Variants in SLCO6A1 observed in about 807,000 individuals in gnomAD.
SLCO6A1 encodes solute carrier organic anion transporter family member 6A1.
Under a neutral mutation model 72.7 loss-of-function variants are expected in SLCO6A1, and 65 were observed. The ratio of observed to expected loss-of-function variants is 0.89; its 90% confidence interval spans 0.73 to 1.10. The LOEUF (loss-of-function observed/expected upper bound fraction) is 1.10. Ranked by LOEUF, SLCO6A1 falls within the 50% of genes least tolerant of loss-of-function variation. The pLI is 0.00. For missense variants in SLCO6A1, 874 were observed against 872.6 expected (o/e 1.00, Z -0.02); for synonymous variants, 314 against 298.2 (o/e 1.05, Z -0.55).
chr5:102,493,955 C>T (rs113350200), intron 1 of SLCO6A1, among the ~76,000 whole-genome samples: 2,608 of 152,082 alleles, frequency 0.017, 34 homozygotes, highest in African/African-American at 0.033. Flanking sequence ...CTAAAATTTA[C>T]ATGGAAAAGC....
chr5:102,494,005 AAGT>A (rs1391440876), intron 1 of SLCO6A1, among the ~76,000 whole-genome samples: 1 of 152,208 alleles, frequency 6.6e-6, no homozygotes, highest in Non-Finnish European at 1.5e-5. Flanking sequence ...AAAAGGAACG[AAGT>A]CGAAAGGATA....
chr5:102,396,091 G>C (rs1747065477), intron 10 of SLCO6A1, among the ~76,000 whole-genome samples: 1 of 152,138 alleles, frequency 6.6e-6, no homozygotes, highest in South Asian at 2.1e-4. Flanking sequence ...ATTGCTTTCA[G>C]TGTTTTAGAC....
chr5:102,459,717 A>G lies in SLCO6A1; in HGVS notation c.960T>C (p.Phe320=), dbSNP rs2112761006. The change falls in exon 5 of 14, where the codon TTT becomes TTC. Residue 320 remains phenylalanine, a synonymous_variant. Coordinates refer to ENST00000506729, the MANE Select transcript of SLCO6A1 (RefSeq NM_173488.5). ...ATGTACACCATGCAACGACAGCGGC[A>G]AAAAGAAAATTAATCCACCAAGTCC... ...WLWTWWINFL[F]AAVVAWCTLI... is the part of the protein sequence containing the mutation. The G allele has an allele frequency of 6.2e-7, 1 of 1,612,068 alleles. No individual in the cohort carries two copies. The highest frequency in any genetic ancestry group is 1.3e-5 in the African/African-American group (1 of 74,838).
chr5:102,387,466 CA>C (rs1561418634), intron 12 of SLCO6A1, among the ~76,000 whole-genome samples: 1 of 152,126 alleles, frequency 6.6e-6, no homozygotes, highest in Admixed American at 6.6e-5. Flanking sequence ...AAAGTCTCAG[CA>C]AAGTTTTAAG....
intron 4 of SLCO6A1, 130 bp downstream of exon 4, chr5:102,475,567 C>T: frequency 1.8e-6 from 1 of 552,782 alleles, no homozygotes. Flanking sequence ...GCATATGTCA[C>T]ATTTGCATAT....
intron 4 of SLCO6A1, among the ~76,000 whole-genome samples, chr5:102,474,974 C>T (rs74406284): frequency 0.023 from 3,511 of 152,014 alleles, 93 homozygotes; most frequent in African/African-American, 0.068. Flanking sequence ...ACCCTGTGCA[C>T]TGCAGGAATG....
chr5:102,487,833 G>T (rs975654375), intron 1 of SLCO6A1, among the ~76,000 whole-genome samples: 2 of 152,164 alleles, frequency 1.3e-5, no homozygotes, highest in African/African-American at 4.8e-5. Context: ...AGAAAGACAG[G>T]TTATTGCTGG....
intron 1 of SLCO6A1, among the ~76,000 whole-genome samples, chr5:102,484,515 G>T (rs1752353893): frequency 6.6e-6 from 1 of 152,038 alleles, no homozygotes; most frequent in Non-Finnish European, 1.5e-5. Flanking sequence ...CAGGCGTGGT[G>T]GCGGGTGCCT....
At chr5:102,436,147 C>G (rs1195832859) in intron 7 of SLCO6A1, among the ~76,000 whole-genome samples, 1 of 152,168 alleles carries the variant, frequency 6.6e-6, no homozygotes, top group Non-Finnish European at 1.5e-5. Context: ...CTGTAATATT[C>G]TTTAGTTATT....
At chr5:102,416,288 T>C (rs964586213) in intron 8 of SLCO6A1, among the ~76,000 whole-genome samples, 9 of 151,882 alleles carry the variant, frequency 5.9e-5, no homozygotes, top group Non-Finnish European at 1.0e-4. Context: ...ATAGCAAAGA[T>C]AAGAAATCAT....
At chr5:102,422,861 AG>A (rs1748683069) in intron 7 of SLCO6A1, among the ~76,000 whole-genome samples, 1 of 152,190 alleles carries the variant, frequency 6.6e-6, no homozygotes, top group African/African-American at 2.4e-5. Flanking sequence ...AAAAATGTTA[AG>A]GGCAGCTAGA....
chr5:102,399,310 T>G (rs1186619752), intron 10 of SLCO6A1, among the ~76,000 whole-genome samples: 2 of 152,014 alleles, frequency 1.3e-5, no homozygotes, highest in African/African-American at 4.8e-5. Context: ...CTATGTGTGT[T>G]AAATTAGGTA....
chr5:102,396,341 C>G (rs1298326242), intron 10 of SLCO6A1, among the ~76,000 whole-genome samples: 1 of 152,036 alleles, frequency 6.6e-6, no homozygotes, highest in Non-Finnish European at 1.5e-5. Context: ...TGTCAAAGAT[C>G]AGATGGTTGT....
chr5:102,472,671 G>T (rs1304043364), intron 4 of SLCO6A1, among the ~76,000 whole-genome samples: 1 of 151,872 alleles, frequency 6.6e-6, no homozygotes, highest in Non-Finnish European at 1.5e-5. Flanking sequence ...AAACCATAGA[G>T]AAAATAAACA....
At chr5:102,397,366 T>C (rs971532530) in intron 10 of SLCO6A1, among the ~76,000 whole-genome samples, 23 of 152,186 alleles carry the variant, frequency 1.5e-4, no homozygotes, top group African/African-American at 5.1e-4. Flanking sequence ...TCTATTGATA[T>C]AGTAGACTTA....
intron 4 of SLCO6A1, among the ~76,000 whole-genome samples, chr5:102,469,838 TAC>T (rs1158337353): frequency 2.0e-5 from 3 of 152,194 alleles, no homozygotes; most frequent in Non-Finnish European, 2.9e-5. Flanking sequence ...ATTCCATCAA[TAC>T]CTAGTTTATT....
Position 102,419,817 on chromosome 5 carries a change from T to A in SLCO6A1, c.1472+9A>T. 1 of 1,581,792 alleles carries A rather than the reference T, an allele frequency of 6.3e-7. No homozygotes were observed. On this transcript the variant is annotated intron_variant, in intron 8 of 13. Transcript: ENST00000506729. Reference sequence around the variant, plus strand: ...GATGTAAAAGTCTAATATACAAGACTACATTTACCCATCATAATCTTCATT... The same window carrying A: ...GATGTAAAAGTCTAATATACAAGACAACATTTACCCATCATAATCTTCATT...
intron 9 of SLCO6A1, among the ~76,000 whole-genome samples, chr5:102,400,497 A>G (rs1413325541): frequency 2.0e-5 from 3 of 152,058 alleles, no homozygotes; most frequent in African/African-American, 7.2e-5. Context: ...GCCAATGAGA[A>G]TTTGGAGTTG....
chr5:102,444,920 G>T (rs1490607774), intron 6 of SLCO6A1, among the ~76,000 whole-genome samples: 1 of 152,134 alleles, frequency 6.6e-6, no homozygotes, highest in Non-Finnish European at 1.5e-5. Context: ...TTGTATAGCA[G>T]CATAGTATTC....
Sources: gnomAD v4.1 joint callset for allele counts (sites outside exome capture counted in the v4.1 genomes callset) on GRCh38, gnomAD v4.1.1 for gene constraint, MANE v1.5 for transcripts, NCBI Gene and HGNC (gene_info 2026-07-23, HGNC 2026-07-21) for gene names.